The following SKA3 variants were observed in gnomAD, a reference collection of about 807,000 sequenced individuals.
SKA3 encodes the protein spindle and kinetochore associated complex subunit 3.
SKA3 carries 39 observed loss-of-function variants against 44.2 expected under a neutral mutation model. The observed-to-expected ratio is 0.88, with a 90% CI of 0.68 to 1.15. The LOEUF is 1.15. SKA3 is among the 50% of genes most tolerant of loss of function. The pLI is 0.00. For synonymous variants in SKA3, 192 were observed against 172.0 expected (o/e 1.12, Z -0.91); for missense variants, 511 against 485.8 (o/e 1.05, Z -0.49).
At chr13:21,171,993 T>A (rs954120969) in intron 3 of SKA3, among the ~76,000 whole-genome samples, 7 of 152,226 alleles carry the variant, frequency 4.6e-5, no homozygotes, top group African/African-American at 1.7e-4. Context: ...TCTCTCAGCT[T>A]TTATTGGCAG....
At chr13:21,156,184 C>CT (rs1870110887) in intron 7 of SKA3, among the ~76,000 whole-genome samples, 1 of 31,010 alleles carries the variant, frequency 3.2e-5, no homozygotes, top group African/African-American at 1.1e-4. Context: ...GAGACTTGGT[C>CT]TAAAAAAAAA....
At chr13:21,161,966 G>T in intron 4 of SKA3, 91 bp from the exon 5 acceptor site, 2 of 834,942 alleles carry the variant, frequency 2.4e-6, no homozygotes, top group South Asian at 3.8e-5. Flanking sequence ...ATCAAGTTTG[G>T]ACAAACATTC....
At chr13:21,174,729 A>G (rs1371372118) in intron 1 of SKA3, among the ~76,000 whole-genome samples, 1 of 150,536 alleles carries the variant, frequency 6.6e-6, no homozygotes, top group Non-Finnish European at 1.5e-5. Flanking sequence ...TTAAAAGTAT[A>G]ATAATTTTAA....
rs545482991 is a variant in SKA3 at position 21,168,747 on chromosome 13, C to T, written c.332-348G>A. On this transcript the variant is annotated intron_variant, in intron 3 of 8. Transcript: ENST00000314759. ...CTCATCATGTTGCCCAGGCTGGTGT[C>T]AAACTCCTGGGCTCAAATGATCCTC... is the stretch of plus-strand genomic sequence containing the variant. 2.0e-3 allele frequency among the ~76,000 whole-genome samples: 297 copies of T among 151,454 alleles called. 1 individual carries two copies. The highest frequency in any genetic ancestry group is 3.5e-3 in the Non-Finnish European group (234 of 67,822).
intron 1 of SKA3, 71 bp downstream of exon 1, chr13:21,176,304 C>G (rs933310466): frequency 9.4e-6 from 11 of 1,168,518 alleles, no homozygotes; most frequent in Admixed American, 2.8e-5. Context: ...TGGGACATAC[C>G]GTCCACTCGC....
intron 4 of SKA3, among the ~76,000 whole-genome samples, chr13:21,165,450 C>T (rs921297338): frequency 9.3e-5 from 14 of 150,200 alleles, no homozygotes; most frequent in Admixed American, 5.9e-4. Flanking sequence ...TAAATAAATA[C>T]ATAAAGAAAG....
At position 21,161,852 on chromosome 13, in the gene SKA3, G is replaced by A. The variant is rs1444221056; in HGVS notation, c.767C>T (p.Ser256Phe). ...NKSEEAIDTE[S>F]RLNDNVFATP... ...GGCAAAAACATTATCATTGAGCCTG[G>A]ATTCTGTATCTATGGCCTCCTCACT... Residue 256 changes from serine (S) to phenylalanine (F), a missense_variant, in exon 5 of 9, where the codon TCC (serine) becomes TTC (phenylalanine). By Grantham distance (155) the Ser-to-Phe change is radical. Coordinates refer to ENST00000314759, the MANE Select transcript of SKA3 (RefSeq NM_145061.6). 1.2e-6 allele frequency: 2 copies of A among 1,612,198 alleles called. No individual in the cohort carries two copies. The highest frequency in any genetic ancestry group is 2.2e-5 in the South Asian group (2 of 90,796).
In SKA3 at chr13:21,159,941, A is replaced by T; in HGVS notation, c.876T>A (p.Pro292=). 6.2e-7 allele frequency: 1 copy of T among 1,609,390 alleles called. No homozygotes were observed. The highest frequency in any genetic ancestry group is 8.5e-7 in the Non-Finnish European group (1 of 1,178,316). The change falls in exon 6 of 9, where the codon CCT becomes CCA. Residue 292 remains proline, a synonymous_variant. Coordinates refer to ENST00000314759, the MANE Select transcript of SKA3 (RefSeq NM_145061.6). ...TCTTTGTAGATGGAATTTTCAAACC[A>T]GGAGTACAGAATGTAGGTACCAAAG... The part of the protein sequence containing the change: ...NSPLVPTFCT[P]GLKIPSTKNS...
intron 4 of SKA3, among the ~76,000 whole-genome samples, chr13:21,165,098 G>C (rs1870635938): frequency 1.3e-5 from 2 of 151,696 alleles, no homozygotes; most frequent in Admixed American, 6.6e-5. Flanking sequence ...ATGTTGACTT[G>C]AGGCAGAGAT....
intron 1 of SKA3, among the ~76,000 whole-genome samples, chr13:21,174,759 G>A (rs575547712): frequency 4.0e-5 from 3 of 75,864 alleles, no homozygotes; most frequent in Admixed American, 1.8e-4. Flanking sequence ...AAAAAAGTGC[G>A]TACTGCTCCA....
chr13:21,173,320 G>C (rs577554928), intron 1 of SKA3, among the ~76,000 whole-genome samples: 2 of 152,108 alleles, frequency 1.3e-5, no homozygotes, highest in East Asian at 3.9e-4. Context: ...GCAATGGTGC[G>C]ATCTTGGCTC....
At position 21,158,097 on chromosome 13, in the gene SKA3, GT is replaced by G; in HGVS notation, c.943del (p.Thr315GlnfsTer18). ...TTCCAAATCATTTGATGAACTATTT[GT>G]TTTTGATAATGGGTAATTTGTGGAT... ...LVSTNYPLSK[T>X]NSSSNDLEVE... On this transcript the variant is annotated frameshift_variant, in exon 7 of 9. Coordinates refer to ENST00000314759, the MANE Select transcript of SKA3 (RefSeq NM_145061.6). LOFTEE classifies it high-confidence loss of function. 6.2e-7 allele frequency: 1 copy of G among 1,610,544 alleles called. No individual in the cohort carries two copies. Among genetic ancestry groups the G allele is most frequent in the Non-Finnish European group, 8.5e-7 (1 of 1,177,004 alleles).
intron 3 of SKA3, among the ~76,000 whole-genome samples, chr13:21,170,883 G>T (rs1313873796): frequency 6.6e-6 from 1 of 151,470 alleles, no homozygotes; most frequent in Non-Finnish European, 1.5e-5. Flanking sequence ...TTCCACGTGG[G>T]GGGTGGTGGT....
At chr13:21,173,406 G>A (rs765359283) in intron 1 of SKA3, among the ~76,000 whole-genome samples, 7 of 152,092 alleles carry the variant, frequency 4.6e-5, no homozygotes, top group African/African-American at 1.2e-4. Flanking sequence ...ACAGGTGTGC[G>A]CCACTACATC....
chr13:21,171,531 C>T (rs565788582), intron 3 of SKA3, among the ~76,000 whole-genome samples: 4 of 150,310 alleles, frequency 2.7e-5, no homozygotes, highest in African/African-American at 9.8e-5. Context: ...GAGCCGAGAT[C>T]GCGCCACTGC....
rs745539311 is a variant in SKA3, at chr13:21,155,776, T to C, written c.1155A>G (p.Pro385=). 8 of 1,606,272 alleles carry C rather than the reference T, an allele frequency of 5.0e-6. No individual in the cohort carries two copies. Among genetic ancestry groups the C allele is most frequent in the South Asian group, 4.4e-5 (4 of 90,948 alleles). The change falls in exon 8 of 9, where the codon CCA becomes CCG. Residue 385 remains proline, a synonymous_variant. Coordinates refer to ENST00000314759, the MANE Select transcript of SKA3 (RefSeq NM_145061.6). ...TGGGTGGCACTGCTTTAATTGCTAT[T>C]GGAGTAGCTAGGTTTGAGTTGTATT... The part of the protein sequence containing the change: ...LSKYNSNLAT[P]IAIKAVPPSK...
intron 7 of SKA3, among the ~76,000 whole-genome samples, chr13:21,156,933 G>A (rs796861811): frequency 0.044 from 1,450 of 32,938 alleles, 624 homozygotes; most frequent in African/African-American, 0.1. Flanking sequence ...GGTGGCGGGC[G>A]CCTGTAGTCC....
intron 1 of SKA3, among the ~76,000 whole-genome samples, chr13:21,173,080 A>G (rs1871161585): frequency 6.6e-6 from 1 of 152,234 alleles, no homozygotes; most frequent in African/African-American, 2.4e-5. Context: ...ATGACTGTAT[A>G]ACATACATAC....
At position 21,154,900 on chromosome 13, in the gene SKA3, A is replaced by G; in HGVS notation, c.*250T>C. On this transcript the variant is annotated 3_prime_UTR_variant, in exon 9 of 9. Coordinates refer to ENST00000314759, the MANE Select transcript of SKA3 (RefSeq NM_145061.6). ...ACCATTCTGTTGATTAAGCTGGGTA[A>G]TTTAGTATCAATGAAACACTAATAA... is the stretch of plus-strand genomic sequence containing the variant. 1 of 605,666 alleles carries G rather than the reference A, an allele frequency of 1.7e-6. No homozygotes were observed. The highest frequency in any genetic ancestry group is 2.8e-6 in the Non-Finnish European group (1 of 351,124). 37.5% of individuals were successfully genotyped at this position (605,666 alleles called of 1,614,324 possible).
Sources: allele counts gnomAD v4.1 joint callset (sites outside exome capture counted in the v4.1 genomes callset), GRCh38; gene constraint gnomAD v4.1.1; transcripts MANE v1.5; gene names NCBI Gene and HGNC (gene_info 2026-07-23, HGNC 2026-07-21).